Variants in SPINK8 observed in about 807,000 individuals in gnomAD.
SPINK8 encodes serine peptidase inhibitor Kazal type 8 (putative), also known as serine protease inhibitor Kazal-type 8.
A neutral mutation model predicts 14.4 loss-of-function variants in SPINK8; 12 were observed. The ratio of observed to expected loss-of-function variants is 0.83; its 90% confidence interval spans 0.53 to 1.35. The LOEUF (loss-of-function observed/expected upper bound fraction) is 1.35, where lower values mean the gene tolerates loss of function less well. SPINK8 is among the 40% of genes most tolerant of loss of function. The pLI, the probability that SPINK8 is intolerant of heterozygous loss-of-function variation, is 0.00. For synonymous variants in SPINK8, 32 were observed against 37.6 expected, an observed-to-expected ratio of 0.85 and a Z score of 0.55; for missense variants, 103 against 117.0, an observed-to-expected ratio of 0.88 and a Z score of 0.55.
At position 48,321,036 on chromosome 3, in the gene SPINK8, C is replaced by T. The variant is rs747947768; in HGVS notation, c.106G>A (p.Asp36Asn). ...LPMASERGQL[D>N]KTIVECLKNV... is the part of the protein sequence containing the mutation. ...GAAGCAGTACTCACTATTGTTTTGT[C>T]TAGCTGACCTCTTTCAGAGGCCATA... is the stretch of plus-strand genomic sequence containing the variant. Residue 36 changes from aspartate to asparagine, a missense_variant, in exon 5 of 8, where the codon GAC becomes AAC. Coordinates refer to ENST00000434006, the MANE Select transcript of SPINK8 (RefSeq NM_001080525.3). 3 of 1,590,410 alleles carry T rather than the reference C, an allele frequency of 1.9e-6. No homozygotes were observed. The highest frequency in any genetic ancestry group is 3.5e-5 in the Admixed American group (2 of 56,794).
chr3:48,310,097 G>A (rs1195154642), intron 6 of SPINK8, among the ~76,000 whole-genome samples, 151 bp from the exon 7 acceptor site: 1 of 151,958 alleles, frequency 6.6e-6, no homozygotes, highest in East Asian at 1.9e-4. Flanking sequence ...TCTACTATAT[G>A]AATTTTTATT....
At chr3:48,311,264 A>G (rs1240494653) in intron 6 of SPINK8, among the ~76,000 whole-genome samples, 6 of 152,254 alleles carry the variant, frequency 3.9e-5, no homozygotes, top group Non-Finnish European at 8.8e-5. Context: ...AAGAACACTT[A>G]TGAAAAACCC....
chr3:48,311,151 T>C (rs1368264636), intron 6 of SPINK8, among the ~76,000 whole-genome samples: 4 of 152,038 alleles, frequency 2.6e-5, no homozygotes, highest in African/African-American at 9.7e-5. Flanking sequence ...ATAATACTAA[T>C]TGATTCAAAA....
At chr3:48,309,495 C>T (rs2035894417) in intron 7 of SPINK8, among the ~76,000 whole-genome samples, 1 of 152,166 alleles carries the variant, frequency 6.6e-6, no homozygotes, top group Non-Finnish European at 1.5e-5. Context: ...ATGTTTCTTC[C>T]TCCAGAAGGT....
intron 6 of SPINK8, chr3:48,316,430 C>G (rs1259362191): frequency 6.4e-6 from 1 of 155,750 alleles, no homozygotes; most frequent in Non-Finnish European, 1.5e-5. Context: ...CATCAGGAGT[C>G]ATGGAAGCTG....
chr3:48,326,804 TG>T, intron 4 of SPINK8, among the ~76,000 whole-genome samples: 1 of 151,722 alleles, frequency 6.6e-6, no homozygotes, highest in East Asian at 1.9e-4. Flanking sequence ...CCAGCCACTT[TG>T]GGGGCTGAGG....
chr3:48,316,165 G>A (rs2035990676), intron 6 of SPINK8, among the ~76,000 whole-genome samples: 1 of 152,194 alleles, frequency 6.6e-6, no homozygotes, highest in Non-Finnish European at 1.5e-5. Context: ...ATCCCTCAAG[G>A]AGAGGAGAAT....
chr3:48,332,328 GT>G (rs928673319), intron 2 of SPINK8, among the ~76,000 whole-genome samples, 37 bp downstream of exon 2: 2 of 152,126 alleles, frequency 1.3e-5, no homozygotes, highest in African/African-American at 4.8e-5. Flanking sequence ...GGATTTTGAA[GT>G]TTTTTTCTAA....
intron 6 of SPINK8, among the ~76,000 whole-genome samples, chr3:48,318,302 G>A (rs1259781917): frequency 2.0e-5 from 3 of 151,966 alleles, no homozygotes; most frequent in Admixed American, 6.6e-5. Flanking sequence ...CACCACACCC[G>A]GCTAATTTTT....
At chr3:48,322,411 C>T (rs187737469) in intron 4 of SPINK8, among the ~76,000 whole-genome samples, 9 of 152,102 alleles carry the variant, frequency 5.9e-5, no homozygotes, top group African/African-American at 1.9e-4. Context: ...TCTCAGCTCA[C>T]TGCAACCTCG....
chr3:48,326,415 C>T (rs1346859285), intron 4 of SPINK8, among the ~76,000 whole-genome samples: 6 of 152,144 alleles, frequency 3.9e-5, no homozygotes, highest in African/African-American at 1.4e-4. Flanking sequence ...CAAGACCAGC[C>T]TGACCAACAT....
At chr3:48,327,530 G>T (rs1332570844) in intron 4 of SPINK8, among the ~76,000 whole-genome samples, 1 of 152,206 alleles carries the variant, frequency 6.6e-6, no homozygotes, top group East Asian at 1.9e-4. Context: ...CAGCAGGCTT[G>T]CAGGGAGGCT....
intron 4 of SPINK8, among the ~76,000 whole-genome samples, chr3:48,321,711 T>C (rs2036078212): frequency 6.6e-6 from 1 of 151,560 alleles, no homozygotes; most frequent in South Asian, 2.1e-4. Context: ...CTACTTGGGA[T>C]GTTGAGGGAG....
At position 48,306,883 on chromosome 3, in the gene SPINK8, G is replaced by GT; in HGVS notation, c.*108dup. 8.6e-7 allele frequency: 1 copy of GT among 1,157,786 alleles called. No individual in the cohort carries two copies. The highest frequency in any genetic ancestry group is 1.2e-6 in the Non-Finnish European group (1 of 804,168). 71.7% of individuals were successfully genotyped at this position (1,157,786 alleles called of 1,614,324 possible). A position where few individuals can be genotyped will look rare whatever the true frequency, so the allele number is the denominator to read the frequency against. ...ATTTATTGAAGACATAAATCAACGAGTTTGATCCAACCATTAGTAATTAAA... is the reference window on the plus strand; with the variant it reads ...ATTTATTGAAGACATAAATCAACGAGTTTTGATCCAACCATTAGTAATTAAA... On this transcript the variant is annotated 3_prime_UTR_variant, in exon 8 of 8. Transcript: ENST00000434006.
At chr3:48,309,771 A>C (rs1186530310) in intron 7 of SPINK8, 133 bp downstream of exon 7, 4 of 1,250,958 alleles carry the variant, frequency 3.2e-6, no homozygotes, top group Non-Finnish European at 4.1e-6. Flanking sequence ...GGCTTATGGG[A>C]TCTATTATTG....
At chr3:48,331,854 G>A (rs796379463) in intron 2 of SPINK8, among the ~76,000 whole-genome samples, 7 of 152,226 alleles carry the variant, frequency 4.6e-5, no homozygotes, top group African/African-American at 9.7e-5. Context: ...TGAGAAGGCC[G>A]CGCTAGTGTC....
At chr3:48,307,095 G>A (rs1242537409) in intron 7 of SPINK8, 92 bp from the exon 8 acceptor site, 2 of 1,211,672 alleles carry the variant, frequency 1.7e-6, no homozygotes, top group African/African-American at 1.5e-5. Flanking sequence ...GTTCAGCAGG[G>A]GAAATGCTAA....
At chr3:48,329,360 C>T (rs2036185751) in intron 2 of SPINK8, among the ~76,000 whole-genome samples, 86 bp from the exon 3 acceptor site, 1 of 152,176 alleles carries the variant, frequency 6.6e-6, no homozygotes, top group Non-Finnish European at 1.5e-5. Flanking sequence ...TTCTGTAATG[C>T]CTAAATCTTG....
chr3:48,326,691 T>C (rs2107111430), intron 4 of SPINK8, among the ~76,000 whole-genome samples: 1 of 152,036 alleles, frequency 6.6e-6, no homozygotes. Context: ...GATGGATCAT[T>C]CGAGGTCAGG....
Sources: allele counts gnomAD v4.1 joint callset (sites outside exome capture counted in the v4.1 genomes callset), GRCh38; gene constraint gnomAD v4.1.1; transcripts MANE v1.5; gene names NCBI Gene and HGNC (gene_info 2026-07-23, HGNC 2026-07-21).